Variants in ACYP2 observed in about 807,000 individuals in gnomAD.
The protein encoded by ACYP2 is acylphosphatase 2.
A neutral mutation model predicts 11.2 loss-of-function variants in ACYP2; 12 were observed. The ratio of observed to expected loss-of-function variants is 1.08; its 90% CI spans 0.69 to 1.74. The LOEUF is 1.74. Ranked by LOEUF, ACYP2 falls within the 40% of genes most tolerant of loss-of-function variation. The pLI is 0.00. For missense variants in ACYP2, 134 were observed against 101.9 expected, an observed-to-expected ratio of 1.31 and a Z score of -1.35; for synonymous variants, 43 against 32.2, an observed-to-expected ratio of 1.33 and a Z score of -1.13.
At chr2:54,033,996 T>A (rs1483606590) in intron 2 of ACYP2, among the ~76,000 whole-genome samples, 2 of 152,218 alleles carry the variant, frequency 1.3e-5, no homozygotes, top group African/African-American at 2.4e-5. Context: ...TGATCAATGA[T>A]AGACCAAATA....
intron 4 of ACYP2, among the ~76,000 whole-genome samples, chr2:54,076,885 T>A (rs1677370853): frequency 6.6e-6 from 1 of 152,234 alleles, no homozygotes; most frequent in African/African-American, 2.4e-5. Flanking sequence ...TAATTTCACC[T>A]CTGTGAGCCT....
At chr2:54,264,110 T>C (rs1350192222) in intron 6 of ACYP2, among the ~76,000 whole-genome samples, 4 of 152,180 alleles carry the variant, frequency 2.6e-5, no homozygotes, top group African/African-American at 9.7e-5. Context: ...AGATGGTGTG[T>C]GCAGAGTTTG....
At chr2:54,182,376 C>G (rs1683780860) in intron 6 of ACYP2, among the ~76,000 whole-genome samples, 1 of 152,108 alleles carries the variant, frequency 6.6e-6, no homozygotes, top group South Asian at 2.1e-4. Context: ...GAGTCTCACT[C>G]TGTTGCCCGG....
At chr2:54,130,375 G>A (rs1327799425) in intron 4 of ACYP2, among the ~76,000 whole-genome samples, 1 of 152,170 alleles carries the variant, frequency 6.6e-6, no homozygotes, top group Admixed American at 6.6e-5. Context: ...TGAGTAAAGA[G>A]GAGAGAAGTA....
At chr2:54,081,575 A>G (rs1444361871) in intron 4 of ACYP2, among the ~76,000 whole-genome samples, 2 of 152,180 alleles carry the variant, frequency 1.3e-5, no homozygotes, top group African/African-American at 2.4e-5. Flanking sequence ...TATACCATCT[A>G]GGTTTGTATA....
chr2:54,085,326 C>T (rs997145229), intron 4 of ACYP2, among the ~76,000 whole-genome samples: 2 of 152,150 alleles, frequency 1.3e-5, no homozygotes, highest in African/African-American at 2.4e-5. Flanking sequence ...CACCCTGCCA[C>T]GGGACTGCGG....
At chr2:54,222,058 T>C (rs974797911) in intron 6 of ACYP2, among the ~76,000 whole-genome samples, 36 of 152,188 alleles carry the variant, frequency 2.4e-4, no homozygotes, top group African/African-American at 8.7e-4. Flanking sequence ...CCTTACCATA[T>C]GCCAGGTATT....
At chr2:54,109,276 T>C (rs1372655828) in intron 4 of ACYP2, among the ~76,000 whole-genome samples, 2 of 152,228 alleles carry the variant, frequency 1.3e-5, no homozygotes, top group African/African-American at 4.8e-5. Flanking sequence ...TGGATGGAAC[T>C]GGAAACTATC....
intron 6 of ACYP2, among the ~76,000 whole-genome samples, chr2:54,164,937 G>A (rs895263842): frequency 2.0e-5 from 3 of 152,086 alleles, no homozygotes; most frequent in Non-Finnish European, 4.4e-5. Flanking sequence ...TTCAGCTCCC[G>A]CTTATGAGTG....
chr2:54,081,912 A>G (rs923644517), intron 4 of ACYP2, among the ~76,000 whole-genome samples: 3 of 152,174 alleles, frequency 2.0e-5, no homozygotes, highest in Non-Finnish European at 2.9e-5. Context: ...AACAGGGATG[A>G]TTAGGCCACA....
intron 6 of ACYP2, among the ~76,000 whole-genome samples, chr2:54,263,888 C>T (rs1030421583): frequency 1.6e-5 from 2 of 126,524 alleles, no homozygotes; most frequent in African/African-American, 7.0e-5. Context: ...AGGAAGCCAG[C>T]TTCAGTCATC....
chr2:54,176,506 A>G (rs1376814328), intron 6 of ACYP2, among the ~76,000 whole-genome samples: 1 of 152,218 alleles, frequency 6.6e-6, no homozygotes, highest in Non-Finnish European at 1.5e-5. Context: ...CTGTTGTAAC[A>G]CCTGAATTGC....
At position 54,137,528 on chromosome 2, in the gene ACYP2, G is replaced by A. The variant is rs138972048; in HGVS notation, c.295-1111G>A. Among the ~76,000 whole-genome samples, 1,249 of 151,886 alleles carry A rather than the reference G, an allele frequency of 8.2e-3. 10 individuals are homozygous for A. The highest frequency in any genetic ancestry group is 0.01 in the Non-Finnish European group (712 of 68,014). The stretch of plus-strand genomic sequence containing the variant: ...AGCTCCCACTTCTACGTGAGAACAT[G>A]CAATATTTGGTTTCTATTCCTGTGT... On this transcript the variant is annotated intron_variant, in intron 5 of 6. Transcript: ENST00000607452.
At position 54,138,672 on chromosome 2, in the gene ACYP2, G is replaced by T; in HGVS notation, c.328G>T (p.Val110Phe). ...AGATGAAGCTAGGAAAATAGGAGTG[G>T]TTGGCTGGGTGAAGAATACCAGCAA... The change falls in exon 6 of 7, where the codon GTT (valine) becomes TTT (phenylalanine). Residue 110 changes from valine (V) to phenylalanine (F), a missense_variant. By Grantham distance (50) the Val-to-Phe change is conservative. Coordinates refer to ENST00000607452, the MANE Select transcript of ACYP2 (RefSeq NM_001320586.2). The T allele has an allele frequency of 6.2e-7, 1 of 1,614,086 alleles. No homozygotes were observed. Among genetic ancestry groups the T allele is most frequent in the East Asian group, 2.2e-5 (1 of 44,886 alleles).
intron 6 of ACYP2, among the ~76,000 whole-genome samples, chr2:54,171,128 A>G (rs1002779344): frequency 6.6e-6 from 1 of 152,046 alleles, no homozygotes; most frequent in Admixed American, 6.6e-5. Context: ...AACCTTGTAC[A>G]TCCCCCTCCC....
At chr2:53,992,216 C>CTCCT (rs750186019) in intron 2 of ACYP2, among the ~76,000 whole-genome samples, 8 of 147,884 alleles carry the variant, frequency 5.4e-5, no homozygotes, top group Non-Finnish European at 1.0e-4. Flanking sequence ...TTTCTTCTTT[C>CTCCT]TCCTTCCTTC....
chr2:54,230,596 C>T (rs1280827366), intron 6 of ACYP2, among the ~76,000 whole-genome samples: 1 of 152,020 alleles, frequency 6.6e-6, no homozygotes, highest in East Asian at 1.9e-4. Flanking sequence ...GAACTTCCAA[C>T]CTCAGGTGAT....
At chr2:54,142,372 C>T (rs2103791346) in intron 6 of ACYP2, 1 of 152,610 alleles carries the variant, frequency 6.6e-6, no homozygotes, top group Admixed American at 6.5e-5. Flanking sequence ...CATTTTATGT[C>T]TTAGGATCCC....
intron 2 of ACYP2, among the ~76,000 whole-genome samples, chr2:54,012,462 G>A (rs1673426244): frequency 2.6e-5 from 4 of 152,222 alleles, no homozygotes; most frequent in African/African-American, 9.6e-5. Flanking sequence ...GCTGCAGTGA[G>A]CCATGACTGT....
Sources: gnomAD v4.1 joint callset for allele counts (sites outside exome capture counted in the v4.1 genomes callset) on GRCh38, gnomAD v4.1.1 for gene constraint, MANE v1.5 for transcripts, NCBI Gene and HGNC (gene_info 2026-07-23, HGNC 2026-07-21) for gene names.